AGA: variants seen among roughly 807,000 people sequenced by gnomAD.
The protein encoded by AGA is aspartylglucosaminidase, also known as N(4)-(beta-N-acetylglucosaminyl)-L-asparaginase.
In AGA, 31 loss-of-function variants were observed where a neutral mutation model predicts 40.1. The observed-to-expected ratio is 0.77, with a 90% CI of 0.58 to 1.04. The LOEUF (loss-of-function observed/expected upper bound fraction) is 1.04. AGA is among the 50% of genes least tolerant of loss of function. The pLI is 0.00. For missense variants in AGA, 445 were observed against 435.4 expected, an observed-to-expected ratio of 1.02 and a Z score of -0.20; for synonymous variants, 148 against 144.0, an observed-to-expected ratio of 1.03 and a Z score of -0.20.
chr4:177,440,678 C>G (rs1240076085), intron 1 of AGA, among the ~76,000 whole-genome samples: 1 of 149,646 alleles, frequency 6.7e-6, no homozygotes, highest in Non-Finnish European at 1.5e-5. Flanking sequence ...TTACTAATAT[C>G]TATCTCTTCT....
At position 177,442,412 on chromosome 4, in the gene AGA, C is replaced by A. The variant is rs772181386; in HGVS notation, c.-37G>T. ...GAAGAGACCAGCGCGAGAAAAGTCCCGGCAGCCAGCGATCGCCGAACAATT... is the reference window on the plus strand; with the variant it reads ...GAAGAGACCAGCGCGAGAAAAGTCCAGGCAGCCAGCGATCGCCGAACAATT... On this transcript the variant is annotated 5_prime_UTR_variant, in exon 1 of 9. Coordinates refer to ENST00000264595, the MANE Select transcript of AGA (RefSeq NM_000027.4). 6 of 1,613,454 alleles carry A rather than the reference C, an allele frequency of 3.7e-6. No homozygotes were observed. Among genetic ancestry groups the A allele is most frequent in the South Asian group, 1.1e-5 (1 of 91,040 alleles).
At chr4:177,437,245 T>C in intron 5 of AGA, 160 bp downstream of exon 5, 1 of 628,388 alleles carries the variant, frequency 1.6e-6, no homozygotes, top group South Asian at 1.9e-5. Context: ...TTGCCAAATT[T>C]TATACAGATC....
chr4:177,441,638 A>G (rs1333382927), intron 1 of AGA, among the ~76,000 whole-genome samples: 2 of 152,122 alleles, frequency 1.3e-5, no homozygotes, highest in Non-Finnish European at 2.9e-5. Flanking sequence ...GGAGCTTTTT[A>G]AAGAAAAACA....
chr4:177,441,202 T>C (rs549971407), intron 1 of AGA, among the ~76,000 whole-genome samples: 8 of 152,246 alleles, frequency 5.3e-5, no homozygotes, highest in African/African-American at 1.9e-4. Context: ...GCAAGTTCCC[T>C]CTTTCAATAC....
intron 7 of AGA, 28 bp downstream of exon 7, chr4:177,434,354 C>T: frequency 1.2e-6 from 2 of 1,601,094 alleles, no homozygotes; most frequent in South Asian, 1.1e-5. Flanking sequence ...CCAAAGGTCT[C>T]TAAAATTCAC....
At chr4:177,436,491 A>G in intron 5 of AGA, 140 bp from the exon 6 acceptor site, 1 of 741,080 alleles carries the variant, frequency 1.3e-6, no homozygotes. Context: ...CTATTCCACA[A>G]GGTGATGGTA....
chr4:177,440,465 A>T lies in AGA; in HGVS notation c.128-39T>A, dbSNP rs201174810. The T allele has an allele frequency of 9.4e-4, 1,458 of 1,559,098 alleles. 5 individuals are homozygous for T. Among genetic ancestry groups the T allele is most frequent in the South Asian group, 1.5e-3 (135 of 87,260 alleles). ...CCCAATAATGCTTGTTTATATATAT[A>T]TTTTTTTTTCAATGCCAAATGCAAC... On this transcript the variant is annotated intron_variant, in intron 1 of 8. Transcript: ENST00000264595.
chr4:177,436,243 A>C, intron 6 of AGA, 33 bp downstream of exon 6: 1 of 1,543,786 alleles, frequency 6.5e-7, no homozygotes, highest in Non-Finnish European at 9.0e-7. Flanking sequence ...TTCAGTGTAT[A>C]TTTGAGAGCT....
chr4:177,431,718 T>G lies in AGA; in HGVS notation c.1031A>C (p.Asp344Ala). The change falls in exon 9 of 9, where the codon GAC becomes GCC. Residue 344 changes from aspartate (D) to alanine (A), a missense_variant. Physicochemically the swap from Asp to Ala is moderately radical, Grantham distance 126 (BLOSUM62 -2). Transcript: ENST00000264595. ...GACAGTAAAGATGGATTAGATGCAG[T>G]CCACTTTTTCCTCAGTTGGCTGATT... ...EKNQPTEEKV[D>A]CI 6.2e-7 allele frequency: 1 copy of G among 1,610,156 alleles called. No homozygotes were observed. The highest frequency in any genetic ancestry group is 8.5e-7 in the Non-Finnish European group (1 of 1,176,470).
At chr4:177,441,394 A>C (rs771137441) in intron 1 of AGA, among the ~76,000 whole-genome samples, 6 of 152,178 alleles carry the variant, frequency 3.9e-5, no homozygotes, top group Non-Finnish European at 7.3e-5. Context: ...CCTCAGATGG[A>C]GGAGGAGGGG....
At chr4:177,434,339 C>A (rs1212301264) in intron 7 of AGA, 43 bp downstream of exon 7, 1 of 1,558,938 alleles carries the variant, frequency 6.4e-7, no homozygotes, top group Admixed American at 1.7e-5. Flanking sequence ...AAAAAAATAT[C>A]TTCTCCAAAG....
In AGA at chr4:177,431,301, C is replaced by G. The variant is rs1202384014; in HGVS notation, c.*407G>C. On this transcript the variant is annotated 3_prime_UTR_variant, in exon 9 of 9. Coordinates refer to ENST00000264595, the MANE Select transcript of AGA (RefSeq NM_000027.4). ...TGAAATTCAATCAGGACTGATCATG[C>G]TGAGACTCTGCTGTTTTTTTCTTTG... 1 of 447,638 alleles carries G rather than the reference C, an allele frequency of 2.2e-6. No individual in the cohort carries two copies. The highest frequency in any genetic ancestry group is 2.5e-5 in the Admixed American group (1 of 40,630). The allele number at this position is 447,638 out of a possible 1,614,324, so 27.7% of individuals were successfully genotyped here.
chr4:177,433,468 G>C, intron 7 of AGA, 121 bp from the exon 8 acceptor site: 1 of 1,144,668 alleles, frequency 8.7e-7, no homozygotes, highest in Non-Finnish European at 1.3e-6. Context: ...ACACATAAAT[G>C]AACAAGAGTC....
intron 1 of AGA, among the ~76,000 whole-genome samples, chr4:177,441,596 C>T (rs1347922987): frequency 6.6e-6 from 1 of 152,146 alleles, no homozygotes; most frequent in Non-Finnish European, 1.5e-5. Flanking sequence ...CTTAGTGGTT[C>T]TCAACCCTGT....
Position 177,442,265 on chromosome 4 carries a change from C to T in AGA, c.111G>A (p.Lys37=). The change falls in exon 1 of 9, where the codon AAG becomes AAA. Residue 37 remains lysine, a synonymous_variant. Coordinates refer to ENST00000264595, the MANE Select transcript of AGA (RefSeq NM_000027.4). ...LPLVVNTWPF[K]NATEAAWRAL... The stretch of plus-strand genomic sequence containing the variant: ...AACCCGCACCTGCTTCGGTTGCATT[C>T]TTAAAGGGCCAAGTGTTGACGACCA... 5 of 1,614,002 alleles carry T rather than the reference C, an allele frequency of 3.1e-6. No homozygotes were observed. The South Asian group carries it at 5.5e-5, about 18-fold the overall frequency.
chr4:177,441,920 C>A (rs77894559), intron 1 of AGA, among the ~76,000 whole-genome samples: 1 of 152,240 alleles, frequency 6.6e-6, no homozygotes, highest in Non-Finnish European at 1.5e-5. Flanking sequence ...AAAAGACTGT[C>A]AGGCAGAAAA....
chr4:177,442,288 C>A lies in AGA; in HGVS notation c.88G>T (p.Val30Phe), dbSNP rs752156485. ...TTCTTAAAGGGCCAAGTGTTGACGA[C>A]CAGGGGCAGAGGGCTGGAGCAGCGC... ...LVRCSSPLPL[V>F]VNTWPFKNAT... Residue 30 changes from valine (V) to phenylalanine (F), a missense_variant, in exon 1 of 9, where the codon GTC (valine) becomes TTC (phenylalanine). By Grantham distance (50) the Val-to-Phe change is conservative (BLOSUM62 -1). Transcript: ENST00000264595. 1 of 1,614,078 alleles carries A rather than the reference C, an allele frequency of 6.2e-7. No individual in the cohort carries two copies. The highest frequency in any genetic ancestry group is 2.2e-5 in the East Asian group (1 of 44,868).
At chr4:177,438,038 A>G (rs1736880535) in intron 4 of AGA, among the ~76,000 whole-genome samples, 1 of 152,176 alleles carries the variant, frequency 6.6e-6, no homozygotes, top group African/African-American at 2.4e-5. Flanking sequence ...TATAATGCAA[A>G]CTCATAAATT....
In AGA at chr4:177,442,386, C is replaced by G. The variant is rs766234282; in HGVS notation, c.-11G>C. ...CGACTTCCGCGCCATCCCTGACCAC[C>G]GAAGAGACCAGCGCGAGAAAAGTCC... On this transcript the variant is annotated 5_prime_UTR_variant, in exon 1 of 9. Coordinates refer to ENST00000264595, the MANE Select transcript of AGA (RefSeq NM_000027.4). 11 of 1,613,996 alleles carry G rather than the reference C, an allele frequency of 6.8e-6. No individual in the cohort carries two copies. Among genetic ancestry groups the G allele is most frequent in the South Asian group, 1.1e-5 (1 of 91,064 alleles).
Sources: allele counts gnomAD v4.1 joint callset (sites outside exome capture counted in the v4.1 genomes callset), GRCh38; gene constraint gnomAD v4.1.1; transcripts MANE v1.5; gene names NCBI Gene and HGNC (gene_info 2026-07-23, HGNC 2026-07-21).